The following MAD1L1 variants were observed in gnomAD, a reference collection of about 807,000 sequenced individuals.
The protein encoded by MAD1L1 is mitotic arrest deficient 1 like 1.
Under a neutral mutation model 96.9 loss-of-function variants are expected in MAD1L1, and 95 were observed. The ratio of observed to expected loss-of-function variants is 0.98; its 90% CI spans 0.83 to 1.16. The LOEUF is 1.16. Ranked by LOEUF, MAD1L1 falls within the 50% of genes most tolerant of loss-of-function variation. MAD1L1 has a pLI of 0.00. For missense variants in MAD1L1, 1,007 were observed against 954.4 expected, an observed-to-expected ratio of 1.06 and a Z score of -0.73; for synonymous variants, 473 against 396.6, an observed-to-expected ratio of 1.19 and a Z score of -2.29.
rs77646261 is a variant in MAD1L1, at chr7:2,019,686, G to A, written c.1219-5044C>T. Among the ~76,000 whole-genome samples, 625 of 139,360 alleles carry A rather than the reference G, an allele frequency of 4.5e-3. 5 individuals are homozygous for A. Among genetic ancestry groups the A allele is most frequent in the Middle Eastern group, 6.9e-3 (2 of 288 alleles). 91.4% of individuals were successfully genotyped at this position (139,360 alleles called of 152,430 possible). A position where few individuals can be genotyped will look rare whatever the true frequency, so the allele number is the denominator to read the frequency against. On this transcript the variant is annotated intron_variant, in intron 12 of 18. Transcript: ENST00000265854. ...CACCCCCCACACAAGGCCACGCCTC[G>A]CCACCCTCCACCCACGCAAGGCCAC...
chr7:1,898,314 C>G lies in MAD1L1; in HGVS notation c.1884G>C (p.Glu628Asp), dbSNP rs1011755838. 6.2e-7 allele frequency: 1 copy of G among 1,614,144 alleles called. No individual in the cohort carries two copies. The highest frequency in any genetic ancestry group is 1.7e-5 in the Admixed American group (1 of 60,026). Residue 628 changes from glutamate (E) to aspartate (D), a missense_variant, in exon 18 of 19, where the codon GAG (glutamate) becomes GAC (aspartate). Coordinates refer to ENST00000265854, the MANE Select transcript of MAD1L1 (RefSeq NM_001013836.2). ...TGAGCGTGTAGCAGGCCTTGCGGAA[C>G]TCCTGGATCTTGGTCTGGAAAACCT... ...LKEVFQTKIQ[E>D]FRKACYTLTG...
chr7:1,965,166 A>G (rs1780110130), intron 15 of MAD1L1, among the ~76,000 whole-genome samples: 1 of 152,198 alleles, frequency 6.6e-6, no homozygotes, highest in South Asian at 2.1e-4. Context: ...ACCCCACCAG[A>G]GAGGCTGGCG....
chr7:1,970,969 G>T (rs371529590), intron 15 of MAD1L1, among the ~76,000 whole-genome samples: 4 of 152,204 alleles, frequency 2.6e-5, no homozygotes, highest in African/African-American at 9.7e-5. Context: ...CATTGTGTGC[G>T]AGTTGCGCTA....
intron 14 of MAD1L1, among the ~76,000 whole-genome samples, chr7:1,990,148 C>G (rs1316847654): frequency 6.6e-6 from 1 of 152,252 alleles, no homozygotes. Context: ...CGTGGCATCG[C>G]TGAGTCTCAG....
intron 5 of MAD1L1, chr7:2,221,028 A>T: frequency 6.2e-7 from 1 of 1,611,724 alleles, no homozygotes; most frequent in African/African-American, 1.3e-5. Flanking sequence ...GGACCCTGTG[A>T]CAGGAGAAGG....
At chr7:2,086,640 C>T (rs7778700) in intron 11 of MAD1L1, among the ~76,000 whole-genome samples, 3,115 of 152,348 alleles carry the variant, frequency 0.02, 108 homozygotes, top group African/African-American at 0.071. Flanking sequence ...CTGCAACCTC[C>T]GCCTCCCAGG....
intron 11 of MAD1L1, among the ~76,000 whole-genome samples, chr7:2,104,687 ACGCC>A (rs879345175): frequency 0.31 from 44,457 of 144,874 alleles, 8,245 homozygotes; most frequent in East Asian, 0.5. Context: ...GACATCCCTA[ACGCC>A]TTTGAAAACA....
In MAD1L1 at chr7:2,014,638, C is replaced by A; in HGVS notation, c.1223G>T (p.Arg408Leu). 1 of 1,609,474 alleles carries A rather than the reference C, an allele frequency of 6.2e-7. No homozygotes were observed. Residue 408 changes from arginine (R) to leucine (L), a missense_variant, in exon 13 of 19, where the codon CGG (arginine) becomes CTG (leucine). Physicochemically the swap from Arg to Leu is moderately radical, Grantham distance 102. Transcript: ENST00000265854. ...CCCCAGGATGGCCCGCATACCGTCC[C>A]GCTCCTGTGGACACAGAGGGCAGCT... ...QKRVLLLTKE[R>L]DGMRAILGSY...
At chr7:1,962,411 T>G (rs1318409987) in intron 15 of MAD1L1, among the ~76,000 whole-genome samples, 1 of 152,160 alleles carries the variant, frequency 6.6e-6, no homozygotes, top group East Asian at 1.9e-4. Context: ...AGCATGAAAA[T>G]GGACTAATAT....
At chr7:1,920,995 G>A (rs1014121582) in intron 17 of MAD1L1, among the ~76,000 whole-genome samples, 1 of 152,244 alleles carries the variant, frequency 6.6e-6, no homozygotes, top group Non-Finnish European at 1.5e-5. Context: ...CGACGAGACA[G>A]GCAACCCAAA....
Position 1,885,381 on chromosome 7 carries a change from G to A in MAD1L1, c.1998+12819C>T, listed in dbSNP as rs187187847. ...TCCCAGCTCTGCCTAGAGAAAGATG[G>A]AGAGGGCTTAACGAGGGCTTTGAAG... On this transcript the variant is annotated intron_variant, in intron 18 of 18. Coordinates refer to ENST00000265854, the MANE Select transcript of MAD1L1 (RefSeq NM_001013836.2). 1.2e-4 allele frequency among the ~76,000 whole-genome samples: 18 copies of A among 152,314 alleles called. No individual in the cohort carries two copies. The East Asian group carries it at 3.5e-3, about 29-fold the overall frequency.
In MAD1L1 at chr7:2,175,993, G is replaced by C. The variant is rs150472271; in HGVS notation, c.987-26755C>G. Among the ~76,000 whole-genome samples, 1,380 of 152,164 alleles carry C rather than the reference G, an allele frequency of 9.1e-3. 21 individuals carry two copies. The highest frequency in any genetic ancestry group is 0.031 in the African/African-American group (1,300 of 41,512). Reference sequence around the variant, plus strand: ...AGCACAAATAACCAAAATCAGGCAGGAAAAAAGGACTATCATCAGCCATCC... The same window carrying C: ...AGCACAAATAACCAAAATCAGGCAGCAAAAAAGGACTATCATCAGCCATCC... On this transcript the variant is annotated intron_variant, in intron 10 of 18. Transcript: ENST00000265854.
intron 11 of MAD1L1, among the ~76,000 whole-genome samples, chr7:2,084,364 C>A (rs531781441): frequency 1.6e-4 from 24 of 152,354 alleles, no homozygotes; most frequent in Non-Finnish European, 2.8e-4. Context: ...AGGGCCATGA[C>A]CTTCACTTGC....
At chr7:1,828,011 AG>A (rs1191986697) in intron 18 of MAD1L1, among the ~76,000 whole-genome samples, 1 of 152,050 alleles carries the variant, frequency 6.6e-6, no homozygotes, top group Non-Finnish European at 1.5e-5. Context: ...CCGGAGATGC[AG>A]GCCCGCCCTC....
intron 13 of MAD1L1, among the ~76,000 whole-genome samples, chr7:2,007,138 A>T (rs1782066633): frequency 6.6e-6 from 1 of 152,174 alleles, no homozygotes; most frequent in Admixed American, 6.5e-5. Context: ...AAGGGACCTG[A>T]ACAGACGCCA....
intron 12 of MAD1L1, among the ~76,000 whole-genome samples, chr7:2,030,786 G>A (rs983885135): frequency 1.3e-5 from 2 of 152,222 alleles, no homozygotes; most frequent in East Asian, 3.8e-4. Context: ...GGGCCCCGTG[G>A]GAGGCGCCCT....
intron 18 of MAD1L1, among the ~76,000 whole-genome samples, chr7:1,854,584 C>T (rs1004441447): frequency 6.6e-6 from 1 of 152,120 alleles, no homozygotes; most frequent in Non-Finnish European, 1.5e-5. Flanking sequence ...GAGGGCCCCA[C>T]CCTACCACCT....
chr7:2,098,309 C>T (rs527793319), intron 11 of MAD1L1, among the ~76,000 whole-genome samples: 1 of 152,218 alleles, frequency 6.6e-6, no homozygotes, highest in African/African-American at 2.4e-5. Flanking sequence ...AAACACCCTC[C>T]GTCCACAGAT....
At chr7:1,946,496 G>A (rs1300089883) in intron 16 of MAD1L1, among the ~76,000 whole-genome samples, 2 of 152,262 alleles carry the variant, frequency 1.3e-5, no homozygotes, top group Non-Finnish European at 2.9e-5. Flanking sequence ...TCACAGCTGA[G>A]AAAACTGTTG....
Sources: gnomAD v4.1 joint callset for allele counts (sites outside exome capture counted in the v4.1 genomes callset) on GRCh38, gnomAD v4.1.1 for gene constraint, MANE v1.5 for transcripts, NCBI Gene and HGNC (gene_info 2026-07-23, HGNC 2026-07-21) for gene names.